Variants in CYP11A1 observed in about 807,000 individuals in gnomAD.
CYP11A1 encodes the protein cholesterol side-chain cleavage enzyme, mitochondrial.
A neutral mutation model predicts 51.9 loss-of-function variants in CYP11A1; 25 were observed. The observed-to-expected ratio is 0.48, with a 90% CI of 0.35 to 0.67. The LOEUF is 0.67. Ranked by LOEUF, CYP11A1 falls within the 30% of genes least tolerant of loss-of-function variation. The pLI, the probability that CYP11A1 is intolerant of heterozygous loss-of-function variation, is 0.00. For synonymous variants in CYP11A1, 245 were observed against 262.1 expected (o/e 0.93, Z 0.63); for missense variants, 578 against 680.9 (o/e 0.85, Z 1.68).
intron 5 of CYP11A1, among the ~76,000 whole-genome samples, chr15:74,341,091 C>T (rs1339042882): frequency 6.6e-6 from 1 of 152,152 alleles, no homozygotes; most frequent in Non-Finnish European, 1.5e-5. Flanking sequence ...GCTGTGTGAC[C>T]TCGACCAAGT....
At chr15:74,358,118 T>C (rs1195442592) in intron 1 of CYP11A1, among the ~76,000 whole-genome samples, 1 of 152,178 alleles carries the variant, frequency 6.6e-6, no homozygotes, top group Non-Finnish European at 1.5e-5. Flanking sequence ...AAAACTCTTC[T>C]CAAGGCCGCT....
At position 74,362,071 on chromosome 15, in the gene CYP11A1, C is replaced by A; in HGVS notation, c.269+5246G>T. On this transcript the variant is annotated intron_variant, in intron 1 of 8. Coordinates refer to ENST00000268053, the MANE Select transcript of CYP11A1 (RefSeq NM_000781.3). ...AAGTTTGACTTGTGTTTTATCTTAA[C>A]CACCAGACCATTCCTTCTGTAGCTC... The A allele has an allele frequency of 2.1e-6, 3 of 1,396,196 alleles. No individual in the cohort carries two copies. In the South Asian group the frequency reaches 3.5e-5, roughly 17 times the overall value. 86.5% of individuals were successfully genotyped at this position (1,396,196 alleles called of 1,614,324 possible). A position where few individuals can be genotyped will look rare whatever the true frequency, so the allele number is the denominator to read the frequency against.
chr15:74,341,302 T>G (rs551979225), intron 5 of CYP11A1, among the ~76,000 whole-genome samples: 1 of 152,286 alleles, frequency 6.6e-6, no homozygotes, highest in Non-Finnish European at 1.5e-5. Context: ...TTTGAAGATC[T>G]CTTCTACGTA....
intron 8 of CYP11A1, 101 bp from the exon 9 acceptor site, chr15:74,338,204 A>G: frequency 2.3e-6 from 3 of 1,323,788 alleles, no homozygotes; most frequent in Non-Finnish European, 3.2e-6. Flanking sequence ...GTGTGATTTG[A>G]GGAGTTCCAA....
intron 1 of CYP11A1, among the ~76,000 whole-genome samples, chr15:74,353,210 G>T (rs1349788462): frequency 6.6e-6 from 1 of 152,194 alleles, no homozygotes; most frequent in Non-Finnish European, 1.5e-5. Flanking sequence ...TTTTGAAAAG[G>T]TTATTTATGA....
In CYP11A1 at chr15:74,343,003, C is replaced by T; in HGVS notation, c.964G>A (p.Glu322Lys). ...SFEDIKANVT[E>K]MLAGGVDTTS... ...GTGTCCACCCCTCCTGCCAGCATCT[C>T]TGTGACGTTGGCCTTGATGTCCTCG... is the stretch of plus-strand genomic sequence containing the variant. The change falls in exon 5 of 9, where the codon GAG becomes AAG. Residue 322 changes from glutamate (E) to lysine (K), a missense_variant. By Grantham distance (56) the Glu-to-Lys change is moderately conservative. Coordinates refer to ENST00000268053, the MANE Select transcript of CYP11A1 (RefSeq NM_000781.3). 1 of 1,612,664 alleles carries T rather than the reference C, an allele frequency of 6.2e-7. No homozygotes were observed. The highest frequency in any genetic ancestry group is 2.2e-5 in the East Asian group (1 of 44,880).
In CYP11A1 at chr15:74,345,310, C is replaced by A; in HGVS notation, c.426-67G>T. 6.4e-7 allele frequency: 1 copy of A among 1,568,804 alleles called. No homozygotes were observed. The highest frequency in any genetic ancestry group is 8.8e-7 in the Non-Finnish European group (1 of 1,142,274). On this transcript the variant is annotated intron_variant, in intron 2 of 8. Transcript: ENST00000268053. This position sits in a 1 kb window ranked among gnomAD's most constrained non-coding sequence, Gnocchi z 4.3. ...CCAGGCCTGGTGAACACAGAGGGGG[C>A]TGACTCAGTTTTCCCAGGAAGCTGA... is the stretch of plus-strand genomic sequence containing the variant.
rs1049968 is a variant in CYP11A1 at position 74,343,064 on chromosome 15, G to T, written c.903C>A (p.Ile301=). Residue 301 remains isoleucine (I), a synonymous_variant, in exon 5 of 9, where the codon ATC becomes ATA. Coordinates refer to ENST00000268053, the MANE Select transcript of CYP11A1 (RefSeq NM_000781.3). ...KGSVHHDYRG[I]LYRLLGDSKM... ...TGCTGTCTCCCAGGAGTCTGTAGAG[G>T]ATGCCACGGTAATCGTGGTGAACAC... is the stretch of plus-strand genomic sequence containing the variant. 4 of 1,613,820 alleles carry T rather than the reference G, an allele frequency of 2.5e-6. No homozygotes were observed. The East Asian group carries it at 8.9e-5, about 36-fold the overall frequency.
In CYP11A1 at chr15:74,338,013, A is replaced by G; in HGVS notation, c.1525T>C (p.Phe509Leu). 3 of 1,614,176 alleles carry G rather than the reference A, an allele frequency of 1.9e-6. No homozygotes were observed. Among genetic ancestry groups the G allele is most frequent in the Non-Finnish European group, 2.5e-6 (3 of 1,180,020 alleles). The change falls in exon 9 of 9, where the codon TTC becomes CTC. Residue 509 changes from phenylalanine (F) to leucine (L), a missense_variant. Phe to Leu is a conservative substitution (Grantham distance 22, BLOSUM62 0). Coordinates refer to ENST00000268053, the MANE Select transcript of CYP11A1 (RefSeq NM_000781.3). Reference protein sequence around the residue: ...LILMPEKPISFTFWPFNQEAT... With the variant: ...LILMPEKPISLTFWPFNQEAT... ...TCCTGGTTAAAGGGCCAGAAGGTGAAGGAGATGGGCTTTTCAGGCATCAGA... is the reference window on the plus strand; with the variant it reads ...TCCTGGTTAAAGGGCCAGAAGGTGAGGGAGATGGGCTTTTCAGGCATCAGA...
chr15:74,338,767 G>A lies in CYP11A1; in HGVS notation c.1238C>T (p.Thr413Ile). 2.5e-6 allele frequency: 4 copies of A among 1,613,794 alleles called. No homozygotes were observed. Among genetic ancestry groups the A allele is most frequent in the Non-Finnish European group, 3.4e-6 (4 of 1,179,744 alleles). The change falls in exon 8 of 9, where the codon ACA becomes ATA. Residue 413 changes from threonine to isoleucine, a missense_variant and splice_region_variant. Coordinates refer to ENST00000268053, the MANE Select transcript of CYP11A1 (RefSeq NM_000781.3). The stretch of plus-strand genomic sequence containing the variant: ...AGCATAGATGGCCACTTGCACCAGT[G>A]TCTGGGGCAAGGTGATCAGAGGCCT... ...VLRDYMIPAK[T>I]LVQVAIYALG... is the part of the protein sequence containing the mutation.
intron 1 of CYP11A1, chr15:74,361,936 T>C: frequency 8.6e-7 from 1 of 1,158,762 alleles, no homozygotes; most frequent in Non-Finnish European, 1.3e-6. Context: ...ATGTGGTCTT[T>C]GGCAAGGTGA....
Position 74,344,528 on chromosome 15 carries a change from G to A in CYP11A1, c.625+516C>T, listed in dbSNP as rs370604162. Among the ~76,000 whole-genome samples the A allele has an allele frequency of 3.2e-4, 48 of 152,312 alleles. No individual in the cohort carries two copies. In the South Asian group the frequency reaches 9.5e-3, roughly 30 times the overall value. On this transcript the variant is annotated intron_variant, in intron 3 of 8. Transcript: ENST00000268053. The stretch of plus-strand genomic sequence containing the variant: ...CTCTGGGCACCCCAAATCTCTTGCT[G>A]TGACCACACAATCTTCATCAAGCCA...
At chr15:74,339,169 G>C (rs1382406499) in intron 7 of CYP11A1, 68 bp downstream of exon 7, 6 of 1,363,304 alleles carry the variant, frequency 4.4e-6, no homozygotes, top group Non-Finnish European at 6.3e-6. Flanking sequence ...GCCACCCTCT[G>C]TCTGCAATTC....
intron 1 of CYP11A1, chr15:74,350,898 C>T (rs1310241357): frequency 1.3e-5 from 2 of 152,232 alleles, no homozygotes; most frequent in Admixed American, 1.3e-4. Context: ...GGACACCCTC[C>T]ACCGGTAACA....
At chr15:74,352,998 CT>C (rs2060662799) in intron 1 of CYP11A1, among the ~76,000 whole-genome samples, 1 of 152,116 alleles carries the variant, frequency 6.6e-6, no homozygotes, top group Non-Finnish European at 1.5e-5. Flanking sequence ...TGGAATTGTT[CT>C]TATCTATAAA....
chr15:74,346,224 G>A (rs2060632475), intron 2 of CYP11A1, among the ~76,000 whole-genome samples: 3 of 151,872 alleles, frequency 2.0e-5, no homozygotes, highest in Non-Finnish European at 4.4e-5. Flanking sequence ...ATGGTGGCGG[G>A]CATCTATAAT....
At chr15:74,352,045 T>C (rs1246353099) in intron 1 of CYP11A1, among the ~76,000 whole-genome samples, 1 of 152,226 alleles carries the variant, frequency 6.6e-6, no homozygotes, top group East Asian at 1.9e-4. Context: ...TTTATTTGTA[T>C]GTACACATTG....
At chr15:74,355,927 G>A (rs1301462602) in intron 1 of CYP11A1, among the ~76,000 whole-genome samples, 1 of 152,158 alleles carries the variant, frequency 6.6e-6, no homozygotes, top group Non-Finnish European at 1.5e-5. Flanking sequence ...TTCTCAATAT[G>A]CATTTTATCA....
intron 1 of CYP11A1, chr15:74,366,082 G>A (rs1400175550): frequency 3.0e-6 from 3 of 985,550 alleles, no homozygotes; most frequent in South Asian, 4.7e-5. Flanking sequence ...TGTGTCGAGG[G>A]GAGGCGGAGG....
Sources: gnomAD v4.1 joint callset for allele counts (sites outside exome capture counted in the v4.1 genomes callset) on GRCh38, gnomAD v4.1.1 for gene constraint, Gnocchi (gnomAD v3.1) non-coding constraint, MANE v1.5 for transcripts, NCBI Gene and HGNC (gene_info 2026-07-23, HGNC 2026-07-21) for gene names.